Variants in ATP5MK observed in about 807,000 individuals in gnomAD.
The protein encoded by ATP5MK is ATP synthase F(0) complex subunit k, mitochondrial.
A neutral mutation model predicts 6.6 loss-of-function variants in ATP5MK; 5 were observed. The ratio of observed to expected loss-of-function variants is 0.76; its 90% CI spans 0.40 to 1.60. The LOEUF (loss-of-function observed/expected upper bound fraction) is 1.60. Ranked by LOEUF, ATP5MK falls within the 40% of genes most tolerant of loss-of-function variation. ATP5MK has a pLI of 0.02. For missense variants in ATP5MK, 57 were observed against 66.6 expected, an observed-to-expected ratio of 0.86 and a Z score of 0.50; for synonymous variants, 30 against 24.5, an observed-to-expected ratio of 1.22 and a Z score of -0.66.
intron 2 of ATP5MK, chr10:103,394,493 G>T (rs1592102301): frequency 2.8e-6 from 1 of 358,470 alleles, no homozygotes; most frequent in East Asian, 6.8e-5. Context: ...CTTGTGTAAA[G>T]AATTGGCAAT....
chr10:103,396,053 A>T (rs1203384478), intron 1 of ATP5MK, 21 bp from the exon 2 acceptor site: 1 of 152,286 alleles, frequency 6.6e-6, no homozygotes, highest in Admixed American at 6.5e-5. Flanking sequence ...ACAGAAGAAA[A>T]GAGGTTAATT....
chr10:103,392,383 T>C lies in ATP5MK; in HGVS notation c.75A>G (p.Thr25=). 6.2e-7 allele frequency: 1 copy of C among 1,606,188 alleles called. No homozygotes were observed. The highest frequency in any genetic ancestry group is 8.5e-7 in the Non-Finnish European group (1 of 1,176,952). ...IKKYFNSYTL[T]GRMNCVLATY... ...TATCAATACTTACGTTCATTCTACC[T>C]GTGAGAGTATAAGAGTTGAAATATT... The change falls in exon 3 of 5, where the codon ACA becomes ACG. Residue 25 remains threonine, a synonymous_variant. Transcript: ENST00000369815.
chr10:103,394,094 T>C lies in ATP5MK; in HGVS notation c.-9-1628A>G, dbSNP rs1016024734. 5 of 289,266 alleles carry C rather than the reference T, an allele frequency of 1.7e-5. No homozygotes were observed. The East Asian group carries it at 4.3e-4, about 25-fold the overall frequency. 17.9% of individuals were successfully genotyped at this position (289,266 alleles called of 1,614,324 possible). Reference sequence around the variant, plus strand: ...AAGGCTTCTAGATAATTCTAAAGCATGCTAAAGTTTGAAAAATACTGCAGT... The same window carrying C: ...AAGGCTTCTAGATAATTCTAAAGCACGCTAAAGTTTGAAAAATACTGCAGT... On this transcript the variant is annotated intron_variant, in intron 2 of 4. Transcript: ENST00000369815.
chr10:103,390,552 G>T (rs1189616939), intron 4 of ATP5MK, among the ~76,000 whole-genome samples: 1 of 152,006 alleles, frequency 6.6e-6, no homozygotes, highest in Non-Finnish European at 1.5e-5. Flanking sequence ...ACTTTGGGAA[G>T]CCAAGGCGGG....
At chr10:103,391,143 A>G (rs1221725663) in intron 4 of ATP5MK, among the ~76,000 whole-genome samples, 2 of 152,230 alleles carry the variant, frequency 1.3e-5, no homozygotes, top group Non-Finnish European at 2.9e-5. Flanking sequence ...AAAAGCAAAA[A>G]ACACAATTTT....
intron 2 of ATP5MK, chr10:103,394,292 C>T (rs759180199): frequency 1.9e-6 from 1 of 534,072 alleles, no homozygotes; most frequent in Non-Finnish European, 3.9e-6. Context: ...TGCATGACCG[C>T]CTATCTACCA....
intron 2 of ATP5MK, among the ~76,000 whole-genome samples, 189 bp downstream of exon 2, chr10:103,395,557 C>G (rs956035601): frequency 8.5e-5 from 13 of 152,342 alleles, no homozygotes; most frequent in African/African-American, 3.1e-4. Flanking sequence ...CTCGGCCTCC[C>G]AAAGTGCTGG....
chr10:103,392,425 C>T lies in ATP5MK; in HGVS notation c.33G>A (p.Gln11=), dbSNP rs372395490. Residue 11 remains glutamine (Q), a synonymous_variant, in exon 3 of 5, where the codon CAG becomes CAA. Transcript: ENST00000369815. ...TGAAATATTTTTTAATACCAGTGAA[C>T]TGGTATTGCGCATCACTTTCTGGAC... MAGPESDAQY[Q]FTGIKKYFNS... is the part of the protein sequence containing the mutation. The T allele has an allele frequency of 1.0e-5, 16 of 1,607,178 alleles. No individual in the cohort carries two copies. In the African/African-American group the frequency reaches 1.2e-4, roughly 12 times the overall value.
chr10:103,392,406 A>G lies in ATP5MK; in HGVS notation c.52T>C (p.Tyr18His). ...CCTGTGAGAGTATAAGAGTTGAAAT[A>G]TTTTTTAATACCAGTGAACTGGTAT... ...AQYQFTGIKK[Y>H]FNSYTLTGRM... Residue 18 changes from tyrosine (Y) to histidine (H), a missense_variant, in exon 3 of 5, where the codon TAT becomes CAT. Coordinates refer to ENST00000369815, the MANE Select transcript of ATP5MK (RefSeq NM_001206427.2). 2 of 1,608,366 alleles carry G rather than the reference A, an allele frequency of 1.2e-6. No homozygotes were observed. Among genetic ancestry groups the G allele is most frequent in the South Asian group, 1.1e-5 (1 of 89,072 alleles).
At chr10:103,390,088 AT>A (rs977108772) in intron 4 of ATP5MK, among the ~76,000 whole-genome samples, 4 of 152,192 alleles carry the variant, frequency 2.6e-5, no homozygotes, top group Non-Finnish European at 5.9e-5. Flanking sequence ...GGTAATTAAT[AT>A]AAAAAATTGG....
intron 4 of ATP5MK, among the ~76,000 whole-genome samples, chr10:103,389,549 C>T (rs916747333): frequency 6.6e-6 from 1 of 151,936 alleles, no homozygotes; most frequent in East Asian, 1.9e-4. Flanking sequence ...TCTCGAACTC[C>T]TGACCTCAAG....
intron 4 of ATP5MK, among the ~76,000 whole-genome samples, chr10:103,391,466 T>C (rs926945890): frequency 4.6e-5 from 7 of 152,094 alleles, no homozygotes; most frequent in African/African-American, 1.7e-4. Flanking sequence ...ACAAAATACA[T>C]GTAACAAAAA....
intron 1 of ATP5MK, 56 bp downstream of exon 1, chr10:103,396,353 G>T (rs1226502312): frequency 2.6e-5 from 4 of 152,222 alleles, no homozygotes; most frequent in African/African-American, 4.8e-5. Flanking sequence ...GAAACGGCGG[G>T]CGGTCCTGCA....
At chr10:103,389,683 G>C (rs2093407967) in intron 4 of ATP5MK, among the ~76,000 whole-genome samples, 1 of 151,970 alleles carries the variant, frequency 6.6e-6, no homozygotes, top group Admixed American at 6.6e-5. Flanking sequence ...CAACAATTTA[G>C]TATGATCCTA....
chr10:103,392,066 A>ATTTTTTTT, intron 4 of ATP5MK, 125 bp downstream of exon 4: 1 of 780,540 alleles, frequency 1.3e-6, no homozygotes, highest in Non-Finnish European at 2.0e-6. Flanking sequence ...AGGCCTCTGT[A>ATTTTTTTT]TTTTTTTTTC....
chr10:103,393,165 T>G (rs1160715173), intron 2 of ATP5MK, among the ~76,000 whole-genome samples: 1 of 151,994 alleles, frequency 6.6e-6, no homozygotes, highest in African/African-American at 2.4e-5. Flanking sequence ...AACCTATTAG[T>G]CAAAGAAATG....
intron 4 of ATP5MK, among the ~76,000 whole-genome samples, chr10:103,389,930 C>T (rs1340967851): frequency 6.6e-6 from 1 of 151,322 alleles, no homozygotes; most frequent in Non-Finnish European, 1.5e-5. Flanking sequence ...TGGGGTTTCA[C>T]CATGTTGGCC....
At chr10:103,393,275 G>A (rs1349670364) in intron 2 of ATP5MK, among the ~76,000 whole-genome samples, 1 of 152,134 alleles carries the variant, frequency 6.6e-6, no homozygotes, top group African/African-American at 2.4e-5. Flanking sequence ...TCTCTCTGTT[G>A]CTTGGAGTAT....
chr10:103,391,251 A>G (rs1342115374), intron 4 of ATP5MK, among the ~76,000 whole-genome samples: 1 of 152,228 alleles, frequency 6.6e-6, no homozygotes, highest in African/African-American at 2.4e-5. Context: ...CATAATTGGG[A>G]AAGCACTTTT....
Sources: gnomAD v4.1 joint callset for allele counts (sites outside exome capture counted in the v4.1 genomes callset) on GRCh38, gnomAD v4.1.1 for gene constraint, MANE v1.5 for transcripts, NCBI Gene and HGNC (gene_info 2026-07-23, HGNC 2026-07-21) for gene names.